The following GALNT8 variants were observed in gnomAD, a reference collection of about 807,000 sequenced individuals.
GALNT8 encodes polypeptide N-acetylgalactosaminyltransferase 8.
A neutral mutation model predicts 62.7 loss-of-function variants in GALNT8; 66 were observed. The ratio of observed to expected loss-of-function variants is 1.05; its 90% CI spans 0.86 to 1.29. The LOEUF (loss-of-function observed/expected upper bound fraction) is 1.29. GALNT8 is among the 50% of genes most tolerant of loss of function. The pLI, the probability that GALNT8 is intolerant of heterozygous loss-of-function variation, is 0.00. For missense variants in GALNT8, 771 were observed against 791.8 expected, an observed-to-expected ratio of 0.97 and a Z score of 0.32; for synonymous variants, 288 against 294.3, an observed-to-expected ratio of 0.98 and a Z score of 0.22.
Position 4,720,903 on chromosome 12 carries a change from C to G in GALNT8, c.211+15C>G. 1 of 1,484,934 alleles carries G rather than the reference C, an allele frequency of 6.7e-7. No homozygotes were observed. Among genetic ancestry groups the G allele is most frequent in the Non-Finnish European group, 9.4e-7 (1 of 1,062,580 alleles). The allele number at this position is 1,484,934 out of a possible 1,614,324, so 92.0% of individuals were successfully genotyped here. ...GCAGGATCTGAGTAAGTTTACAATG[C>G]TAACCTGGAAGGTGTGTGTGTGGGT... On this transcript the variant is annotated intron_variant, in intron 1 of 10. Coordinates refer to ENST00000252318, the MANE Select transcript of GALNT8 (RefSeq NM_017417.2).
intron 3 of GALNT8, among the ~76,000 whole-genome samples, chr12:4,740,484 T>G (rs1416878801): frequency 6.6e-6 from 1 of 151,196 alleles, no homozygotes; most frequent in East Asian, 1.9e-4. Flanking sequence ...AGTGCAGTGG[T>G]GGGATCTCAG....
At chr12:4,737,885 C>T (rs1488143987) in intron 2 of GALNT8, among the ~76,000 whole-genome samples, 1 of 152,184 alleles carries the variant, frequency 6.6e-6, no homozygotes, top group Non-Finnish European at 1.5e-5. Context: ...CAGAGGCCAG[C>T]ACCTTGACAT....
In GALNT8 at chr12:4,745,558, A is replaced by T. The variant is rs371113811; in HGVS notation, c.990A>T (p.Glu330Asp). 6.2e-7 allele frequency: 1 copy of T among 1,613,940 alleles called. No individual in the cohort carries two copies. Among genetic ancestry groups the T allele is most frequent in the Non-Finnish European group, 8.5e-7 (1 of 1,179,874 alleles). ...YELAVDGFNW[E>D]LWCRYDALPQ... ...TGGCAGTTGATGGGTTTAACTGGGA[A>T]CTCTGGTGCCGCTACGATGCACTGC... The change falls in exon 5 of 11, where the codon GAA (glutamate) becomes GAT (aspartate). Residue 330 changes from glutamate (E) to aspartate (D), a missense_variant. Transcript: ENST00000252318.
intron 6 of GALNT8, among the ~76,000 whole-genome samples, chr12:4,758,544 A>G (rs1946355180): frequency 6.6e-6 from 1 of 151,622 alleles, no homozygotes; most frequent in African/African-American, 2.4e-5. Flanking sequence ...AAATTTATGC[A>G]AAGTGTTAGG....
intron 1 of GALNT8, among the ~76,000 whole-genome samples, chr12:4,723,923 G>A (rs1246268962): frequency 6.6e-6 from 1 of 151,872 alleles, no homozygotes; most frequent in Non-Finnish European, 1.5e-5. Context: ...GGCCGAGGCG[G>A]GTGGATCACG....
chr12:4,764,106 G>A, intron 9 of GALNT8, 59 bp downstream of exon 9: 1 of 935,180 alleles, frequency 1.1e-6, no homozygotes, highest in South Asian at 1.3e-5. Context: ...TCAGCCCCTG[G>A]TAACCATTGC....
intron 10 of GALNT8, among the ~76,000 whole-genome samples, chr12:4,770,315 A>C (rs1444928948): frequency 6.6e-6 from 1 of 151,896 alleles, no homozygotes; most frequent in Non-Finnish European, 1.5e-5. Flanking sequence ...AGAAAAAAAA[A>C]AAAACAAAAA....
chr12:4,741,231 T>C (rs1946270745), intron 3 of GALNT8, among the ~76,000 whole-genome samples: 2 of 152,224 alleles, frequency 1.3e-5, no homozygotes, highest in Admixed American at 6.5e-5. Context: ...AAAATACTTA[T>C]ATTCATCCTT....
Position 4,744,692 on chromosome 12 carries a change from T to C in GALNT8, c.852T>C (p.Asn284=). The C allele has an allele frequency of 6.2e-7, 1 of 1,609,398 alleles. No homozygotes were observed. The highest frequency in any genetic ancestry group is 8.5e-7 in the Non-Finnish European group (1 of 1,177,420). Residue 284 remains asparagine (N), a synonymous_variant, in exon 4 of 11, where the codon AAT becomes AAC. Coordinates refer to ENST00000252318, the MANE Select transcript of GALNT8 (RefSeq NM_017417.2). ...VAILDAHIEV[N]VGWAEPILAR... is the part of the protein sequence containing the mutation. ...TCTTGGATGCTCACATTGAAGTCAA[T>C]GTTGGGTGGTAAGGCTCAAAGAGGC...
rs780926406 is a variant in GALNT8 at position 4,726,664 on chromosome 12, A to G, written c.344A>G (p.Gln115Arg). The G allele has an allele frequency of 6.2e-7, 1 of 1,614,044 alleles. No individual in the cohort carries two copies. ...KVNETKKHKTQMKLFPHSQLF... is the reference protein window; with the variant it reads ...KVNETKKHKTRMKLFPHSQLF... ...AATGAGACAAAGAAGCACAAAACCC[A>G]AATGAAACTCTTCCCACACTCACAG... The change falls in exon 2 of 11, where the codon CAA (glutamine) becomes CGA (arginine). Residue 115 changes from glutamine (Q) to arginine (R), a missense_variant. By Grantham distance (43) the Gln-to-Arg change is conservative. Coordinates refer to ENST00000252318, the MANE Select transcript of GALNT8 (RefSeq NM_017417.2). The surrounding 1 kb of genome is among the most constrained non-coding windows in gnomAD (Gnocchi z 4.1).
rs1591574473 is a variant in GALNT8 at position 4,763,101 on chromosome 12, G to C, written c.1360-152G>C. On this transcript the variant is annotated intron_variant, in intron 7 of 10. Transcript: ENST00000252318. ...TACAGGTGCATAGTCCTAAGTTAGGGTTTCAATCTTGTCTATCCATTAAGT... is the reference window on the plus strand; with the variant it reads ...TACAGGTGCATAGTCCTAAGTTAGGCTTTCAATCTTGTCTATCCATTAAGT... The C allele has an allele frequency of 2.0e-5, 13 of 640,762 alleles. No homozygotes were observed. In the South Asian group the frequency reaches 2.5e-4, roughly 12 times the overall value. The allele number at this position is 640,762 out of a possible 1,614,324, so 39.7% of individuals were successfully genotyped here.
intron 2 of GALNT8, among the ~76,000 whole-genome samples, chr12:4,734,123 T>C (rs887160757): frequency 2.0e-5 from 3 of 152,146 alleles, no homozygotes; most frequent in Non-Finnish European, 4.4e-5. Context: ...AATAATACTA[T>C]GATGTGAGGA....
chr12:4,743,141 A>C (rs768742363), intron 3 of GALNT8, among the ~76,000 whole-genome samples: 15 of 152,352 alleles, frequency 9.8e-5, no homozygotes, highest in Non-Finnish European at 1.6e-4. Flanking sequence ...ATGAGCCACC[A>C]TGCCCACTAT....
At chr12:4,739,675 T>C (rs1946262809) in intron 3 of GALNT8, among the ~76,000 whole-genome samples, 2 of 151,088 alleles carry the variant, frequency 1.3e-5, no homozygotes, top group South Asian at 2.1e-4. Context: ...CTTTTTCTTT[T>C]TTTTTTTGAG....
At chr12:4,769,821 C>T (rs1946415056) in intron 10 of GALNT8, among the ~76,000 whole-genome samples, 1 of 152,076 alleles carries the variant, frequency 6.6e-6, no homozygotes, top group Non-Finnish European at 1.5e-5. Context: ...AGGAGCTGCT[C>T]CATGCCCGCC....
chr12:4,751,199 T>C (rs917263664), intron 6 of GALNT8, among the ~76,000 whole-genome samples: 1 of 152,140 alleles, frequency 6.6e-6, no homozygotes, highest in African/African-American at 2.4e-5. Flanking sequence ...GGCAGTACCA[T>C]TCAGGACATA....
At chr12:4,729,572 T>C (rs1946211930) in intron 2 of GALNT8, among the ~76,000 whole-genome samples, 1 of 152,228 alleles carries the variant, frequency 6.6e-6, no homozygotes, top group African/African-American at 2.4e-5. Flanking sequence ...TAACATAATG[T>C]ACTCCACATT....
At chr12:4,770,666 G>A (rs995100648) in intron 10 of GALNT8, among the ~76,000 whole-genome samples, 1 of 152,128 alleles carries the variant, frequency 6.6e-6, no homozygotes, top group Admixed American at 6.5e-5. Flanking sequence ...GAAGTAACTG[G>A]GGCACTGAGG....
At position 4,761,067 on chromosome 12, in the gene GALNT8, A is replaced by G. The variant is rs143807268; in HGVS notation, c.1283A>G (p.Asn428Ser). Reference sequence around the variant, plus strand: ...GATCTCACCGCTGCCTTGAAGCGCAATGCTCTGCGAGTGGCCGAAATCTGG... The same window carrying G: ...GATCTCACCGCTGCCTTGAAGCGCAGTGCTCTGCGAGTGGCCGAAATCTGG... ...ALDLTAALKRNALRVAEIWMD... is the reference protein window; with the variant it reads ...ALDLTAALKRSALRVAEIWMD... Residue 428 changes from asparagine (N) to serine (S), a missense_variant, in exon 7 of 11, where the codon AAT becomes AGT. Coordinates refer to ENST00000252318, the MANE Select transcript of GALNT8 (RefSeq NM_017417.2). 1.4e-3 allele frequency: 2,332 copies of G among 1,614,072 alleles called. 4 individuals are homozygous for G. Among genetic ancestry groups the G allele is most frequent in the Non-Finnish European group, 1.7e-3 (1,964 of 1,179,978 alleles).
Sources: gnomAD v4.1 joint callset for allele counts (sites outside exome capture counted in the v4.1 genomes callset) on GRCh38, gnomAD v4.1.1 for gene constraint, Gnocchi (gnomAD v3.1) non-coding constraint, MANE v1.5 for transcripts, NCBI Gene and HGNC (gene_info 2026-07-23, HGNC 2026-07-21) for gene names.